Variants in STPG2 observed in about 807,000 individuals in gnomAD.
STPG2 encodes sperm-tail PG-rich repeat-containing protein 2.
In STPG2, 56 loss-of-function variants were observed where a neutral mutation model predicts 54.2. The ratio of observed to expected loss-of-function variants is 1.03; its 90% CI spans 0.83 to 1.29. The LOEUF is 1.29. STPG2 is among the 50% of genes most tolerant of loss of function. STPG2 has a pLI of 0.00. For synonymous variants in STPG2, 200 were observed against 181.8 expected (o/e 1.10, Z -0.81); for missense variants, 596 against 544.9 (o/e 1.09, Z -0.93).
chr4:97,665,480 T>A (rs1722495928), intron 10 of STPG2, among the ~76,000 whole-genome samples: 1 of 152,118 alleles, frequency 6.6e-6, no homozygotes, highest in Admixed American at 6.5e-5. Flanking sequence ...CAGCTGGTCA[T>A]CCTGTCATCT....
chr4:97,531,505 C>T (rs543632797), intron 4 of STPG2, among the ~76,000 whole-genome samples: 2 of 152,236 alleles, frequency 1.3e-5, no homozygotes, highest in East Asian at 3.9e-4. Context: ...GGTACTTAGA[C>T]ACAATGGAGA....
At chr4:97,967,244 A>G (rs1734138104) in intron 7 of STPG2, among the ~76,000 whole-genome samples, 1 of 151,944 alleles carries the variant, frequency 6.6e-6, no homozygotes, top group African/African-American at 2.4e-5. Context: ...ACAGACTTTA[A>G]ACGAACAAAG....
At chr4:97,707,472 G>A (rs1723984062) in intron 10 of STPG2, among the ~76,000 whole-genome samples, 1 of 152,076 alleles carries the variant, frequency 6.6e-6, no homozygotes, top group South Asian at 2.1e-4. Context: ...AGTGAACTGT[G>A]ATTGTACCAC....
chr4:98,084,791 G>A (rs907862451), intron 5 of STPG2, among the ~76,000 whole-genome samples: 7 of 151,998 alleles, frequency 4.6e-5, no homozygotes, highest in South Asian at 4.1e-4. Context: ...TATTTTGCCT[G>A]TTTTTAATGA....
rs749813781 is a variant in STPG2 at position 97,840,900 on chromosome 4, G to T, written c.1077C>A (p.His359Gln). ...VIPAPGSYDV[H>Q]KSYEMSQVKH... ...TAACTTGGGACATCTCATATGATTT[G>T]TGAACATCATAGCTGCCTGGCGCTG... Residue 359 changes from histidine to glutamine, a missense_variant, in exon 9 of 11, where the codon CAC becomes CAA. His to Gln is a conservative substitution (Grantham distance 24). Transcript: ENST00000295268. 6.2e-7 allele frequency: 1 copy of T among 1,611,748 alleles called. No homozygotes were observed. Among genetic ancestry groups the T allele is most frequent in the Non-Finnish European group, 8.5e-7 (1 of 1,178,474 alleles).
intron 8 of STPG2, among the ~76,000 whole-genome samples, chr4:97,849,491 A>G (rs1283462457): frequency 1.3e-5 from 2 of 152,040 alleles, no homozygotes; most frequent in South Asian, 2.1e-4. Context: ...GCAACCTACA[A>G]CATGGGAGAA....
At chr4:97,721,370 T>G (rs561630123) in intron 9 of STPG2, among the ~76,000 whole-genome samples, 1 of 152,250 alleles carries the variant, frequency 6.6e-6, no homozygotes, top group African/African-American at 2.4e-5. Context: ...AGATATATTG[T>G]GTGTCATAAG....
At chr4:97,607,861 A>T (rs1560683085) in intron 10 of STPG2, among the ~76,000 whole-genome samples, 1 of 151,982 alleles carries the variant, frequency 6.6e-6, no homozygotes, top group Non-Finnish European at 1.5e-5. Flanking sequence ...GGGTCATGAA[A>T]ATAGAGGTTT....
intron 4 of STPG2, among the ~76,000 whole-genome samples, chr4:97,463,087 T>C (rs145878176): frequency 0.014 from 2,121 of 152,306 alleles, 42 homozygotes; most frequent in African/African-American, 0.048. Context: ...TTATTCTGTA[T>C]GCAAATGTGG....
chr4:97,942,586 A>T (rs1560601841), intron 8 of STPG2, among the ~76,000 whole-genome samples: 3 of 152,138 alleles, frequency 2.0e-5, no homozygotes, highest in African/African-American at 7.2e-5. Flanking sequence ...TCAGAAAAAA[A>T]AATAATAAGT....
At chr4:97,645,442 C>A (rs1721885337) in intron 10 of STPG2, among the ~76,000 whole-genome samples, 1 of 152,024 alleles carries the variant, frequency 6.6e-6, no homozygotes, top group Non-Finnish European at 1.5e-5. Flanking sequence ...TTTATTTTGC[C>A]ATTGATATTC....
Position 98,025,835 on chromosome 4 carries a change from G to GC in STPG2, c.613-44518dup, listed in dbSNP as rs757154939. The GC allele has an allele frequency of 1.4e-4, 226 of 1,596,414 alleles. 2 individuals are homozygous for GC. In the South Asian group the frequency reaches 2.3e-3, roughly 16 times the overall value. ...TACCTGCTATTTGGATGCAGGCCTT[G>GC]CCAGAACTACCACTGGCAATAAAGT... is the stretch of plus-strand genomic sequence containing the variant. On this transcript the variant is annotated intron_variant, in intron 5 of 10. Transcript: ENST00000295268.
chr4:97,486,845 A>ATATATATATG (rs758834350), intron 4 of STPG2, among the ~76,000 whole-genome samples: 1 of 137,078 alleles, frequency 7.3e-6, no homozygotes, highest in African/African-American at 3.0e-5. Context: ...ATATATATAT[A>ATATATATATG]TATGTATGTA....
At chr4:97,447,212 G>C (rs995442711) in intron 4 of STPG2, among the ~76,000 whole-genome samples, 8 of 152,158 alleles carry the variant, frequency 5.3e-5, no homozygotes, top group African/African-American at 1.9e-4. Context: ...GTGGAGCATT[G>C]AACTTGAGAG....
chr4:97,629,504 C>A (rs551479391), intron 10 of STPG2, among the ~76,000 whole-genome samples: 1 of 152,094 alleles, frequency 6.6e-6, no homozygotes, highest in African/African-American at 2.4e-5. Context: ...AACATTTACT[C>A]AGTTGTGAAT....
chr4:97,907,521 A>C lies in STPG2; in HGVS notation c.1044+36376T>G, dbSNP rs562501580. Among the ~76,000 whole-genome samples, 618 of 152,026 alleles carry C rather than the reference A, an allele frequency of 4.1e-3. 5 individuals carry two copies. Among genetic ancestry groups the C allele is most frequent in the African/African-American group, 0.014 (584 of 41,392 alleles). On this transcript the variant is annotated intron_variant, in intron 8 of 10. Coordinates refer to ENST00000295268, the MANE Select transcript of STPG2 (RefSeq NM_174952.3). ...TCACAGAATTGGAAAAAACTACTTT[A>C]AAGTTCATATGGAACCAAAAAAGAG...
rs193259134 is a variant in STPG2, at chr4:97,968,272, G to C, written c.933+4008C>G. ...GAATCACTGAATCGACCAATAACAG[G>C]TTCTGAAATTGAGGCAATAATTAAT... On this transcript the variant is annotated intron_variant, in intron 7 of 10. Transcript: ENST00000295268. Among the ~76,000 whole-genome samples the C allele has an allele frequency of 3.3e-5, 5 of 152,150 alleles. No individual in the cohort carries two copies. The East Asian group carries it at 9.7e-4, about 29-fold the overall frequency.
downstream of STPG2, among the ~76,000 whole-genome samples, chr4:97,557,630 A>G (rs1732111291): frequency 2.0e-5 from 3 of 152,278 alleles, no homozygotes; most frequent in South Asian, 4.1e-4. Context: ...ACAAAAAGAA[A>G]TAAGGTGGCA....
chr4:97,886,281 G>A (rs1438442464), intron 8 of STPG2, among the ~76,000 whole-genome samples: 1 of 152,036 alleles, frequency 6.6e-6, no homozygotes, highest in East Asian at 1.9e-4. Flanking sequence ...CAATTAAAAG[G>A]GAAAAAATAA....
Sources: gnomAD v4.1 joint callset for allele counts (sites outside exome capture counted in the v4.1 genomes callset) on GRCh38, gnomAD v4.1.1 for gene constraint, MANE v1.5 for transcripts, NCBI Gene and HGNC (gene_info 2026-07-23, HGNC 2026-07-21) for gene names.